SFXN5: variants seen among roughly 807,000 people sequenced by gnomAD.
SFXN5 encodes the protein sideroflexin-5.
SFXN5 carries 43 observed loss-of-function variants against 50.2 expected under a neutral mutation model. That is an observed-to-expected ratio of 0.86 (90% CI 0.67 to 1.11). The LOEUF (loss-of-function observed/expected upper bound fraction) is 1.11, where lower values mean the gene tolerates loss of function less well. Ranked by LOEUF, SFXN5 falls within the 50% of genes least tolerant of loss-of-function variation. The pLI, the probability that SFXN5 is intolerant of heterozygous loss-of-function variation, is 0.00. For synonymous variants in SFXN5, 203 were observed against 185.8 expected (o/e 1.09, Z -0.75); for missense variants, 463 against 454.1 (o/e 1.02, Z -0.18).
intron 3 of SFXN5, among the ~76,000 whole-genome samples, chr2:73,033,883 G>A (rs1678620933): frequency 6.6e-6 from 1 of 152,216 alleles, no homozygotes; most frequent in South Asian, 2.1e-4. Context: ...GGGAGGGGAA[G>A]CTAATGGCAT....
intron 2 of SFXN5, among the ~76,000 whole-genome samples, chr2:73,050,095 G>A (rs1681045107): frequency 6.6e-6 from 1 of 152,122 alleles, no homozygotes; most frequent in East Asian, 1.9e-4. Flanking sequence ...ACTGGGGCAG[G>A]AGTTAGGCCC....
intron 10 of SFXN5, among the ~76,000 whole-genome samples, chr2:72,981,814 TC>T (rs1235608311): frequency 6.6e-6 from 1 of 152,232 alleles, no homozygotes; most frequent in Non-Finnish European, 1.5e-5. Context: ...GATCTAATTA[TC>T]CCCGCCCTTT....
rs759147566 is a variant in SFXN5 at position 72,961,196 on chromosome 2, C to T, written c.880G>A (p.Val294Met). ...GCCAGGCCGAAGGCTGCCAGGCACA[C>T]GAGGCTTTGCACAGGGAGGAGCAGC... Reference protein sequence around the residue: ...PRLLLPVQSLVCLAAFGLALP... With the variant: ...PRLLLPVQSLMCLAAFGLALP... Residue 294 changes from valine (V) to methionine (M), a missense_variant, in exon 13 of 14, where the codon GTG (valine) becomes ATG (methionine). Physicochemically the swap from Val to Met is conservative, Grantham distance 21. Coordinates refer to ENST00000272433, the MANE Select transcript of SFXN5 (RefSeq NM_144579.3). This position sits in a 1 kb window ranked among gnomAD's most constrained non-coding sequence, Gnocchi z 4.4. 12 of 1,562,518 alleles carry T rather than the reference C, an allele frequency of 7.7e-6. No individual in the cohort carries two copies. The Middle Eastern group carries it at 5.1e-4, about 67-fold the overall frequency.
At chr2:72,954,236 G>A (rs1672833636) in intron 13 of SFXN5, among the ~76,000 whole-genome samples, 1 of 152,144 alleles carries the variant, frequency 6.6e-6, no homozygotes. Flanking sequence ...TGAGAGGGAG[G>A]GACATGGGGA....
chr2:72,989,488 G>A (rs1231481339), intron 9 of SFXN5, among the ~76,000 whole-genome samples: 1 of 152,088 alleles, frequency 6.6e-6, no homozygotes, highest in Non-Finnish European at 1.5e-5. Flanking sequence ...AATAAATGAA[G>A]CTATATAATC....
intron 2 of SFXN5, among the ~76,000 whole-genome samples, chr2:73,045,574 G>A (rs893654451): frequency 2.6e-5 from 4 of 152,062 alleles, no homozygotes; most frequent in Non-Finnish European, 2.9e-5. Context: ...GCAGTGGGGC[G>A]TGCAGGATGG....
chr2:73,013,444 T>TGTGTGTGTGTGTGTG (rs1553518120), intron 6 of SFXN5, among the ~76,000 whole-genome samples: 1 of 148,470 alleles, frequency 6.7e-6, no homozygotes, highest in African/African-American at 2.5e-5. Context: ...TGTGTGTGTG[T>TGTGTGTGTGTGTGTG]TTGAGAGATA....
At chr2:72,989,842 C>T (rs1175413591) in intron 9 of SFXN5, among the ~76,000 whole-genome samples, 1 of 152,152 alleles carries the variant, frequency 6.6e-6, no homozygotes, top group African/African-American at 2.4e-5. Context: ...CCAAAGCCAG[C>T]CCCTGTGCTG....
intron 12 of SFXN5, among the ~76,000 whole-genome samples, chr2:72,962,991 G>C (rs532313428): frequency 6.6e-6 from 1 of 152,174 alleles, no homozygotes; most frequent in Non-Finnish European, 1.5e-5. Context: ...GCCCATGCCC[G>C]CCTGGACTTC....
Position 73,022,413 on chromosome 2 carries a change from G to T in SFXN5, c.331+109C>A, listed in dbSNP as rs1574143326. The stretch of plus-strand genomic sequence containing the variant: ...TAGAGGTGCAAATATGGCCATGATT[G>T]TAACAGGCTCTGTCCCCTCCTTAGG... On this transcript the variant is annotated intron_variant, in intron 5 of 13. Coordinates refer to ENST00000272433, the MANE Select transcript of SFXN5 (RefSeq NM_144579.3). 6.0e-6 allele frequency: 5 copies of T among 828,512 alleles called. No homozygotes were observed. The East Asian group carries it at 9.8e-5, about 16-fold the overall frequency. 51.3% of individuals were successfully genotyped at this position (828,512 alleles called of 1,614,324 possible).
chr2:73,048,361 A>C (rs980401059), intron 2 of SFXN5, among the ~76,000 whole-genome samples: 1 of 152,130 alleles, frequency 6.6e-6, no homozygotes, highest in Non-Finnish European at 1.5e-5. Context: ...GATTACAGGC[A>C]TGTGCCACCA....
intron 13 of SFXN5, among the ~76,000 whole-genome samples, chr2:72,952,551 C>T (rs985341563): frequency 2.0e-5 from 3 of 152,190 alleles, no homozygotes; most frequent in Admixed American, 6.5e-5. Context: ...TACACTTTTC[C>T]GGCTCCCCTG....
rs1408100337 is a variant in SFXN5 at position 72,944,606 on chromosome 2, T to A, written c.*416A>T. The A allele has an allele frequency of 6.0e-6, 1 of 167,688 alleles. No homozygotes were observed. The highest frequency in any genetic ancestry group is 2.4e-5 in the African/African-American group (1 of 41,676). The allele number at this position is 167,688 out of a possible 1,614,324, so 10.4% of individuals were successfully genotyped here. ...AACTCCAGGCCTAATCTGGCTCGCC[T>A]CCACCTGTCCTCCTGCCACTTCTGG... On this transcript the variant is annotated 3_prime_UTR_variant, in exon 14 of 14. Coordinates refer to ENST00000272433, the MANE Select transcript of SFXN5 (RefSeq NM_144579.3).
intron 7 of SFXN5, 43 bp downstream of exon 7, chr2:73,001,482 T>C: frequency 6.2e-7 from 1 of 1,606,846 alleles, no homozygotes. Context: ...AGCACCTGTG[T>C]GGGCCCTTCC....
At chr2:73,060,128 C>A (rs1217739993) in intron 1 of SFXN5, among the ~76,000 whole-genome samples, 2 of 152,120 alleles carry the variant, frequency 1.3e-5, no homozygotes, top group African/African-American at 4.8e-5. Flanking sequence ...ACATCCAGAT[C>A]CTGGTCCACT....
At chr2:72,965,971 G>A (rs1295880636) in intron 12 of SFXN5, among the ~76,000 whole-genome samples, 2 of 152,176 alleles carry the variant, frequency 1.3e-5, no homozygotes, top group African/African-American at 4.8e-5. Flanking sequence ...GGGCCTGTCT[G>A]AGACAGCCTG....
At chr2:73,046,466 A>G (rs1333897392) in intron 2 of SFXN5, among the ~76,000 whole-genome samples, 1 of 151,878 alleles carries the variant, frequency 6.6e-6, no homozygotes, top group Non-Finnish European at 1.5e-5. Flanking sequence ...AGCAAAAGAT[A>G]GGAAACAACC....
At position 72,988,264 on chromosome 2, in the gene SFXN5, C is replaced by A; in HGVS notation, c.619G>T (p.Ala207Ser). 6.2e-7 allele frequency: 1 copy of A among 1,613,582 alleles called. No individual in the cohort carries two copies. The highest frequency in any genetic ancestry group is 8.5e-7 in the Non-Finnish European group (1 of 1,179,788). Reference sequence around the variant, plus strand: ...TGTGGTGTGCAGGTCTTACCTACAGCAGGGAACGGCACAAACCTCTGGATG... The same window carrying A: ...TGTGGTGTGCAGGTCTTACCTACAGAAGGGAACGGCACAAACCTCTGGATG... Reference protein sequence around the residue: ...LLIQRFVPFPAVASANICNVV... With the variant: ...LLIQRFVPFPSVASANICNVV... The change falls in exon 10 of 14, where the codon GCT (alanine) becomes TCT (serine). Residue 207 changes from alanine to serine, a missense_variant. Coordinates refer to ENST00000272433, the MANE Select transcript of SFXN5 (RefSeq NM_144579.3).
In SFXN5 at chr2:72,950,222, A is replaced by G. The variant is rs1166486177; in HGVS notation, c.946-5123T>C. Reference sequence around the variant, plus strand: ...GGGACCAGCCCGAGGAGCGAACGTAATGACAGAGGGTGCCACAAACACTGA... The same window carrying G: ...GGGACCAGCCCGAGGAGCGAACGTAGTGACAGAGGGTGCCACAAACACTGA... On this transcript the variant is annotated intron_variant, in intron 13 of 13. Transcript: ENST00000272433. The surrounding 1 kb of genome is among the most constrained non-coding windows in gnomAD (Gnocchi z 4.2). Among the ~76,000 whole-genome samples the G allele has an allele frequency of 1.3e-5, 2 of 152,142 alleles. No individual in the cohort carries two copies. The highest frequency in any genetic ancestry group is 2.9e-5 in the Non-Finnish European group (2 of 68,030).
Sources: allele counts gnomAD v4.1 joint callset (sites outside exome capture counted in the v4.1 genomes callset), GRCh38; gene constraint gnomAD v4.1.1; non-coding constraint Gnocchi (gnomAD v3.1); transcripts MANE v1.5; gene names NCBI Gene and HGNC (gene_info 2026-07-23, HGNC 2026-07-21).